APOL4: variants seen among roughly 807,000 people sequenced by gnomAD.
APOL4 encodes the protein apolipoprotein L4, also known as apolipoprotein L, 4.
APOL4 carries 14 observed loss-of-function variants against 12.1 expected under a neutral mutation model. That is an observed-to-expected ratio of 1.16 (90% CI 0.76 to 1.81). APOL4 has a LOEUF of 1.81. Ranked by LOEUF, APOL4 falls within the 40% of genes most tolerant of loss-of-function variation. The pLI is 0.00. For synonymous variants in APOL4, 171 were observed against 160.6 expected (o/e 1.06, Z -0.49); for missense variants, 432 against 423.1 (o/e 1.02, Z -0.18).
intron 1 of APOL4, 59 bp downstream of exon 1, chr22:36,201,637 AACTG>A: frequency 7.3e-7 from 1 of 1,370,754 alleles, no homozygotes; most frequent in Admixed American, 2.1e-5. Context: ...GAGCCAGTAG[AACTG>A]GGAGGACCAG....
intron 1 of APOL4, 45 bp downstream of exon 1, chr22:36,201,655 A>T (rs1201903877): frequency 1.9e-6 from 3 of 1,542,302 alleles, no homozygotes; most frequent in Non-Finnish European, 1.8e-6. Context: ...GGACCAGGAG[A>T]GAGCAGAGGA....
upstream of APOL4, chr22:36,201,995 G>A (rs1010245805): frequency 2.2e-5 from 35 of 1,613,982 alleles, no homozygotes; most frequent in Non-Finnish European, 2.9e-5. Context: ...AAGCTCACCA[G>A]ATGCAGACGA....
intron 3 of APOL4, 53 bp from the exon 4 acceptor site, chr22:36,191,965 A>G: frequency 7.1e-7 from 1 of 1,402,380 alleles, no homozygotes; most frequent in Non-Finnish European, 9.6e-7. Flanking sequence ...TACCTGTAAA[A>G]TGAGCTCAAT....
At chr22:36,201,411 C>G (rs1246042270) in intron 1 of APOL4, among the ~76,000 whole-genome samples, 1 of 151,354 alleles carries the variant, frequency 6.6e-6, no homozygotes, top group Admixed American at 6.6e-5. Context: ...TCTCAGGGTT[C>G]AGACACACAG....
In APOL4 at chr22:36,191,672, C is replaced by T. The variant is rs772137246; in HGVS notation, c.450G>A (p.Leu150=). ...GTGCCAACATAACGCCAATGACAGACAGGATGCCAGTGGAGCCAGACACCA... is the reference window on the plus strand; with the variant it reads ...GTGCCAACATAACGCCAATGACAGATAGGATGCCAGTGGAGCCAGACACCA... The part of the protein sequence containing the change: ...ANVVSGSTGI[L]SVIGVMLAPF... The change falls in exon 4 of 4, where the codon CTG becomes CTA. Residue 150 remains leucine, a synonymous_variant. Transcript: ENST00000683024. 1 of 1,614,068 alleles carries T rather than the reference C, an allele frequency of 6.2e-7. No homozygotes were observed. Among genetic ancestry groups the T allele is most frequent in the Non-Finnish European group, 8.5e-7 (1 of 1,179,900 alleles).
chr22:36,200,035 C>T (rs2014524272), intron 1 of APOL4, among the ~76,000 whole-genome samples: 2 of 151,704 alleles, frequency 1.3e-5, no homozygotes, highest in Admixed American at 6.6e-5. Context: ...TCTCGATCTC[C>T]TGACCTCATG....
At chr22:36,199,848 G>A (rs977359091) in intron 1 of APOL4, among the ~76,000 whole-genome samples, 8 of 151,598 alleles carry the variant, frequency 5.3e-5, no homozygotes, top group South Asian at 4.2e-4. Context: ...TCGCTCTGTC[G>A]TCCAGGTGGA....
intron 2 of APOL4, among the ~76,000 whole-genome samples, chr22:36,196,672 A>G (rs1423764537): frequency 1.3e-5 from 2 of 152,092 alleles, no homozygotes; most frequent in African/African-American, 2.4e-5. Flanking sequence ...CTGGGACATG[A>G]TGTATAATTG....
intron 2 of APOL4, among the ~76,000 whole-genome samples, chr22:36,196,393 A>T (rs2014413854): frequency 6.6e-6 from 1 of 152,200 alleles, no homozygotes; most frequent in African/African-American, 2.4e-5. Flanking sequence ...AATCTTCTAG[A>T]AGGGACAGAG....
chr22:36,196,818 GCCATTACTTTGAAGACT>G (rs1329295740), intron 2 of APOL4, among the ~76,000 whole-genome samples: 1 of 152,190 alleles, frequency 6.6e-6, no homozygotes, highest in Non-Finnish European at 1.5e-5. Context: ...GCGTTCCCTT[GCCATTACTTTGAAGACT>G]CCATATATTT....
At chr22:36,196,385 T>C (rs972238295) in intron 2 of APOL4, among the ~76,000 whole-genome samples, 1 of 152,198 alleles carries the variant, frequency 6.6e-6, no homozygotes, top group East Asian at 1.9e-4. Flanking sequence ...GCATTTTCAA[T>C]CTTCTAGAAG....
In APOL4 at chr22:36,191,163, G is replaced by T; in HGVS notation, c.959C>A (p.Ser320Tyr). ...AGCCCACTGCCTCAGCGACTCAGCA[G>T]ACTCGGATTTTGCCCCCTTGTGCAA... ...LDLHKGAKSE[S>Y]AESLRQWAQE... Residue 320 changes from serine to tyrosine, a missense_variant, in exon 4 of 4, where the codon TCT becomes TAT. By Grantham distance (144) the Ser-to-Tyr change is moderately radical. Coordinates refer to ENST00000683024, the MANE Select transcript of APOL4 (RefSeq NM_001386885.1). 6.2e-7 allele frequency: 1 copy of T among 1,612,720 alleles called. No homozygotes were observed. Among genetic ancestry groups the T allele is most frequent in the Non-Finnish European group, 8.5e-7 (1 of 1,179,372 alleles).
At chr22:36,201,929 G>A, upstream of APOL4, 3 of 1,612,964 alleles carry the variant, frequency 1.9e-6, no homozygotes, top group Non-Finnish European at 2.5e-6. Flanking sequence ...CCCAAGCCCT[G>A]CCCAATTGTG....
At position 36,191,459 on chromosome 22, in the gene APOL4, G is replaced by A. The variant is rs779680139; in HGVS notation, c.663C>T (p.Asp221=). Reference sequence around the variant, plus strand: ...CAAAAGAAAGCACATTGGGTGTGATGTCACGCAGAATGTCCCTTAATGCCT... The same window carrying A: ...CAAAAGAAAGCACATTGGGTGTGATATCACGCAGAATGTCCCTTAATGCCT... ...QLEALRDILR[D]ITPNVLSFAL... The change falls in exon 4 of 4, where the codon GAC becomes GAT. Residue 221 remains aspartate, a synonymous_variant. Transcript: ENST00000683024. 4.3e-6 allele frequency: 7 copies of A among 1,613,952 alleles called. No individual in the cohort carries two copies. Among genetic ancestry groups the A allele is most frequent in the African/African-American group, 1.3e-5 (1 of 74,950 alleles).
Position 36,201,782 on chromosome 22 carries a change from T to A in APOL4, c.-48A>T. On this transcript the variant is annotated 5_prime_UTR_variant, in exon 1 of 4. Coordinates refer to ENST00000683024, the MANE Select transcript of APOL4 (RefSeq NM_001386885.1). ...GGCTCAGACGCTGATCTGGGGCCTC[T>A]GCTGAATGTTGAGGCTGGATACTGA... 6.3e-7 allele frequency: 1 copy of A among 1,587,260 alleles called. No homozygotes were observed. Among genetic ancestry groups the A allele is most frequent in the Non-Finnish European group, 8.6e-7 (1 of 1,166,356 alleles).
At position 36,190,518 on chromosome 22, in the gene APOL4, G is replaced by A. The variant is rs2014214775; in HGVS notation, c.*557C>T. On this transcript the variant is annotated 3_prime_UTR_variant, in exon 4 of 4. Coordinates refer to ENST00000683024, the MANE Select transcript of APOL4 (RefSeq NM_001386885.1). ...CATAGAAGATGGCCACACCCAAGGAGGCCATTTATAGACCCACCCTCAGGG... is the reference window on the plus strand; with the variant it reads ...CATAGAAGATGGCCACACCCAAGGAAGCCATTTATAGACCCACCCTCAGGG... 1 of 155,084 alleles carries A rather than the reference G, an allele frequency of 6.4e-6. No individual in the cohort carries two copies. The highest frequency in any genetic ancestry group is 6.2e-5 in the Admixed American group (1 of 16,006). The allele number at this position is 155,084 out of a possible 1,614,324, so 9.6% of individuals were successfully genotyped here.
intron 2 of APOL4, among the ~76,000 whole-genome samples, chr22:36,195,771 C>T (rs4820220): frequency 2.5e-4 from 15 of 59,250 alleles, no homozygotes; most frequent in African/African-American, 6.1e-4. Context: ...CTCTCTCTCT[C>T]TCTCTCACAC....
At chr22:36,204,601 AG>A, upstream of APOL4, 1 of 422,538 alleles carries the variant, frequency 2.4e-6, no homozygotes, top group Non-Finnish European at 4.1e-6. Flanking sequence ...AAGGAGATGG[AG>A]GGAGGTCACA....
At chr22:36,195,927 CT>C in intron 2 of APOL4, among the ~76,000 whole-genome samples, 1 of 152,284 alleles carries the variant, frequency 6.6e-6, no homozygotes, top group East Asian at 1.9e-4. Flanking sequence ...GACTTCTTGC[CT>C]CTAGAACTGT....
Sources: gnomAD v4.1 joint callset for allele counts (sites outside exome capture counted in the v4.1 genomes callset) on GRCh38, gnomAD v4.1.1 for gene constraint, MANE v1.5 for transcripts, NCBI Gene and HGNC (gene_info 2026-07-23, HGNC 2026-07-21) for gene names.